PEX1: variants seen among roughly 807,000 people sequenced by gnomAD.
PEX1 encodes the protein peroxisomal ATPase PEX1.
A neutral mutation model predicts 152.5 loss-of-function variants in PEX1; 97 were observed. That is an observed-to-expected ratio of 0.64 (90% confidence interval 0.54 to 0.75). The LOEUF is 0.75. PEX1 is among the 30% of genes least tolerant of loss of function. The probability of loss-of-function intolerance (pLI) is 0.00; values close to 1 mark genes in which losing one functional copy is unlikely to be tolerated. For missense variants in PEX1, 1,357 were observed against 1,516.3 expected (o/e 0.89, Z 1.74); for synonymous variants, 485 against 531.6 (o/e 0.91, Z 1.21).
rs1792890568 is a variant in PEX1 at position 92,518,168 on chromosome 7, GAT to G, written c.443_444del (p.Asp148AlafsTer24). ...FPKAIFPVWV[D>X]QQTYIFIQIV... ...ATTTGGATAAATATGTACGTTTGTTGATCAACCCAAACAGGAAAAATGGCTTT... is the reference window on the plus strand; with the variant it reads ...ATTTGGATAAATATGTACGTTTGTTGCAACCCAAACAGGAAAAATGGCTTT... On this transcript the variant is annotated frameshift_variant, in exon 4 of 24. Coordinates refer to ENST00000248633, the MANE Select transcript of PEX1 (RefSeq NM_000466.3). LOFTEE classifies it high-confidence loss of function. 3 of 1,612,786 alleles carry G rather than the reference GAT, an allele frequency of 1.9e-6. No individual in the cohort carries two copies. The highest frequency in any genetic ancestry group is 2.5e-6 in the Non-Finnish European group (3 of 1,179,018).
In PEX1 at chr7:92,510,595, C is replaced by A. The variant is rs574291826; in HGVS notation, c.1587+349G>T. ...TAAGATGGGTTGTGCAGTAAAATTG[C>A]ATGTAAAAATAGGAATTTAAAAAAT... On this transcript the variant is annotated intron_variant, in intron 8 of 23. Transcript: ENST00000248633. Among the ~76,000 whole-genome samples the A allele has an allele frequency of 9.2e-5, 14 of 152,130 alleles. No homozygotes were observed. In the East Asian group the frequency reaches 1.7e-3, roughly 19 times the overall value.
At position 92,501,487 on chromosome 7, in the gene PEX1, T is replaced by C. The variant is rs754310898; in HGVS notation, c.2583+20A>G. 5 of 1,604,134 alleles carry C rather than the reference T, an allele frequency of 3.1e-6. No homozygotes were observed. The highest frequency in any genetic ancestry group is 3.4e-6 in the Non-Finnish European group (4 of 1,171,180). On this transcript the variant is annotated intron_variant, in intron 15 of 23. Transcript: ENST00000248633. ...GTTCTTCTGGGAGTAAGTATTCACTTTTTCTTTTTTTAAACATACCTTGGC... is the reference window on the plus strand; with the variant it reads ...GTTCTTCTGGGAGTAAGTATTCACTCTTTCTTTTTTTAAACATACCTTGGC...
chr7:92,512,146 C>T (rs1184207057), intron 6 of PEX1, among the ~76,000 whole-genome samples: 1 of 152,110 alleles, frequency 6.6e-6, no homozygotes, highest in African/African-American at 2.4e-5. Context: ...GATTCGCTTG[C>T]CTCAGGCTCC....
At position 92,511,572 on chromosome 7, in the gene PEX1, G is replaced by A. The variant is rs911755069; in HGVS notation, c.1483+8C>T. 1.9e-6 allele frequency: 3 copies of A among 1,607,134 alleles called. No individual in the cohort carries two copies. In the African/African-American group the frequency reaches 4.0e-5, roughly 21 times the overall value. ...AGAAAAAAAAGTCAAAATAACAAAT[G>A]TACTCACCATCTTTAGTTTCCAGCT... On this transcript the variant is annotated splice_region_variant and intron_variant, in intron 7 of 23. Coordinates refer to ENST00000248633, the MANE Select transcript of PEX1 (RefSeq NM_000466.3).
chr7:92,507,002 C>A lies in PEX1; in HGVS notation c.1795G>T (p.Gly599Ter), dbSNP rs1792222710. 6.2e-7 allele frequency: 1 copy of A among 1,613,884 alleles called. No homozygotes were observed. Among genetic ancestry groups the A allele is most frequent in the African/African-American group, 1.3e-5 (1 of 74,898 alleles). The change falls in exon 10 of 24, where the codon GGA (glycine) becomes TGA (stop). Residue 599 changes from glycine (G) to a stop codon, truncating the protein, a stop_gained. Transcript: ENST00000248633. LOFTEE classifies it high-confidence loss of function. ...GLRNGALLLT[G>*]GKGSGKSTLA... ...ACACCTTAACCACTTACCTTTCCTC[C>A]TGTGAGTAAAAGAGCTCCATTCCTA... is the stretch of plus-strand genomic sequence containing the variant.
rs1792935786 is a variant in PEX1 at position 92,519,049 on chromosome 7, T to C, written c.303A>G (p.Val101=). The part of the protein sequence containing the change: ...QVFLKPCSHV[V]SCQQVEVEPL... Reference sequence around the variant, plus strand: ...GTTCCACCTCAACTTGTTGACAAGATACCACATGGGAACATGGCTTGAGAA... The same window carrying C: ...GTTCCACCTCAACTTGTTGACAAGACACCACATGGGAACATGGCTTGAGAA... Residue 101 remains valine (V), a synonymous_variant, in exon 3 of 24, where the codon GTA becomes GTG. Transcript: ENST00000248633. 1.2e-6 allele frequency: 2 copies of C among 1,610,338 alleles called. No individual in the cohort carries two copies. The highest frequency in any genetic ancestry group is 1.7e-6 in the Non-Finnish European group (2 of 1,176,660).
intron 13 of PEX1, among the ~76,000 whole-genome samples, chr7:92,502,365 CTT>C (rs1306421111): frequency 6.6e-6 from 1 of 152,106 alleles, no homozygotes; most frequent in Non-Finnish European, 1.5e-5. Context: ...TAAATTATAT[CTT>C]AATAAAGTTG....
intron 17 of PEX1, among the ~76,000 whole-genome samples, chr7:92,494,993 A>C (rs1791582320): frequency 6.6e-6 from 1 of 151,898 alleles, no homozygotes; most frequent in African/African-American, 2.4e-5. Flanking sequence ...TCAATAAGTC[A>C]AACACTTTTG....
chr7:92,527,578 A>C (rs913168337), intron 1 of PEX1, among the ~76,000 whole-genome samples: 1 of 152,220 alleles, frequency 6.6e-6, no homozygotes, highest in Non-Finnish European at 1.5e-5. Context: ...GGTACCATGC[A>C]TCCAGGATTT....
At chr7:92,523,094 A>C (rs1203761385) in intron 1 of PEX1, among the ~76,000 whole-genome samples, 1 of 152,242 alleles carries the variant, frequency 6.6e-6, no homozygotes, top group Non-Finnish European at 1.5e-5. Context: ...AGGGTTTTCT[A>C]TGATTAAACA....
chr7:92,494,551 T>G lies in PEX1; in HGVS notation c.2862A>C (p.Thr954=), dbSNP rs774719262. Residue 954 remains threonine, a synonymous_variant, in exon 18 of 24, where the codon ACA becomes ACC. Coordinates refer to ENST00000248633, the MANE Select transcript of PEX1 (RefSeq NM_000466.3). The part of the protein sequence containing the change: ...SIAPRRGHDN[T]GVTDRVVNQL... The stretch of plus-strand genomic sequence containing the variant: ...GGTTAACTACTCGGTCTGTAACTCC[T>G]GTATTATCATGACCCCGCCGAGGAG... 1 of 1,613,928 alleles carries G rather than the reference T, an allele frequency of 6.2e-7. No individual in the cohort carries two copies. Among genetic ancestry groups the G allele is most frequent in the Non-Finnish European group, 8.5e-7 (1 of 1,179,780 alleles).
rs1057517472 is a variant in PEX1 at position 92,494,553 on chromosome 7, T to TA, written c.2859dup (p.Thr954TyrfsTer9). On this transcript the variant is annotated frameshift_variant, in exon 18 of 24. Transcript: ENST00000248633. LOFTEE classifies it high-confidence loss of function. The stretch of plus-strand genomic sequence containing the variant: ...TTAACTACTCGGTCTGTAACTCCTG[T>TA]ATTATCATGACCCCGCCGAGGAGCA... 4 of 1,613,898 alleles carry TA rather than the reference T, an allele frequency of 2.5e-6. No homozygotes were observed. Among genetic ancestry groups the TA allele is most frequent in the Non-Finnish European group, 3.4e-6 (4 of 1,179,786 alleles).
intron 1 of PEX1, among the ~76,000 whole-genome samples, chr7:92,525,357 G>C (rs992638557): frequency 6.6e-6 from 1 of 152,176 alleles, no homozygotes; most frequent in Non-Finnish European, 1.5e-5. Flanking sequence ...CAAAGCCTAG[G>C]GTATCTCTTG....
chr7:92,499,591 G>T (rs1225953829), intron 16 of PEX1, 113 bp downstream of exon 16: 3 of 859,270 alleles, frequency 3.5e-6, no homozygotes, highest in African/African-American at 1.7e-5. Flanking sequence ...AGAGGTGGTG[G>T]TTGCATAGCA....
rs1792844196 is a variant in PEX1 at position 92,517,424 on chromosome 7, G to A, written c.1091C>T (p.Pro364Leu). 6.2e-7 allele frequency: 1 copy of A among 1,613,480 alleles called. No individual in the cohort carries two copies. The highest frequency in any genetic ancestry group is 1.1e-5 in the South Asian group (1 of 91,056). ...SPEKEKQMSE[P>L]LDQKKIRSDH... Reference sequence around the variant, plus strand: ...TGACCTAATTTTTTTTTGATCTAGTGGCTCTGACATCTGCTTCTCTTTTTC... The same window carrying A: ...TGACCTAATTTTTTTTTGATCTAGTAGCTCTGACATCTGCTTCTCTTTTTC... Residue 364 changes from proline (P) to leucine (L), a missense_variant, in exon 5 of 24, where the codon CCA becomes CTA. Pro to Leu is a moderately conservative substitution (Grantham distance 98, BLOSUM62 -3). Transcript: ENST00000248633.
rs1327988631 is a variant in PEX1, at chr7:92,503,184, T to C, written c.2083A>G (p.Met695Val). 2 of 1,613,484 alleles carry C rather than the reference T, an allele frequency of 1.2e-6. No individual in the cohort carries two copies. Among genetic ancestry groups the C allele is most frequent in the Non-Finnish European group, 1.7e-6 (2 of 1,179,634 alleles). The change falls in exon 13 of 24, where the codon ATG (methionine) becomes GTG (valine). Residue 695 changes from methionine (M) to valine (V), a missense_variant. Coordinates refer to ENST00000248633, the MANE Select transcript of PEX1 (RefSeq NM_000466.3). ...CCCATGGAGATAAACTCTTTTATCA[T>C]ATCATTCAAAGCTGGAATTAAGCAA... ...SQRLAHALND[M>V]IKEFISMGSL...
At chr7:92,499,442 C>T (rs1402366386) in intron 16 of PEX1, among the ~76,000 whole-genome samples, 1 of 151,844 alleles carries the variant, frequency 6.6e-6, no homozygotes, top group African/African-American at 2.4e-5. Flanking sequence ...AGAAGCCAGA[C>T]AAAAAAGGTC....
In PEX1 at chr7:92,506,911, A is replaced by T. The variant is rs192029366; in HGVS notation, c.1803+83T>A. The T allele has an allele frequency of 5.9e-4, 834 of 1,416,426 alleles. 4 individuals carry two copies. Among genetic ancestry groups the T allele is most frequent in the African/African-American group, 5.6e-3 (396 of 71,158 alleles). 87.7% of individuals were successfully genotyped at this position (1,416,426 alleles called of 1,614,324 possible). Reference sequence around the variant, plus strand: ...AATAGATGGTCAAAACCCACCCTATATAATAGATGGTCAAAACCCAAAGAA... The same window carrying T: ...AATAGATGGTCAAAACCCACCCTATTTAATAGATGGTCAAAACCCAAAGAA... On this transcript the variant is annotated intron_variant, in intron 10 of 23. Transcript: ENST00000248633.
chr7:92,487,592 A>G (rs750667686), intron 23 of PEX1, 51 bp from the exon 24 acceptor site: 1 of 793,668 alleles, frequency 1.3e-6, no homozygotes, highest in Non-Finnish European at 2.1e-6. Context: ...CCATTACAAA[A>G]CAAAAGATAA....
Sources: gnomAD v4.1 joint callset for allele counts (sites outside exome capture counted in the v4.1 genomes callset) on GRCh38, gnomAD v4.1.1 for gene constraint, MANE v1.5 for transcripts, NCBI Gene and HGNC (gene_info 2026-07-23, HGNC 2026-07-21) for gene names.